Variants in DYNC1I1 observed in about 807,000 individuals in gnomAD.
The protein encoded by DYNC1I1 is cytoplasmic dynein 1 intermediate chain 1.
In DYNC1I1, 43 loss-of-function variants were observed where a neutral mutation model predicts 86.6. That is an observed-to-expected ratio of 0.50 (90% CI 0.39 to 0.64). The LOEUF is 0.64. Among genes scored for constraint, DYNC1I1 ranks in the 30% least tolerant of loss-of-function variants. The pLI is 0.00. For missense variants in DYNC1I1, 604 were observed against 788.8 expected (o/e 0.77, Z 2.81); for synonymous variants, 262 against 283.7 (o/e 0.92, Z 0.77).
chr7:96,007,026 G>A lies in DYNC1I1; in HGVS notation c.969+10953G>A, dbSNP rs561344915. Among the ~76,000 whole-genome samples the A allele has an allele frequency of 5.9e-5, 9 of 152,190 alleles. No individual in the cohort carries two copies. The South Asian group carries it at 1.9e-3, about 32-fold the overall frequency. On this transcript the variant is annotated intron_variant, in intron 10 of 16. Transcript: ENST00000447467. ...CAACTATGATGTATCAATAAAAAAT[G>A]CAAAACAAAAGCAAATACAAAGATT...
At chr7:95,928,578 G>C (rs1338603347) in intron 6 of DYNC1I1, among the ~76,000 whole-genome samples, 1 of 152,144 alleles carries the variant, frequency 6.6e-6, no homozygotes, top group Non-Finnish European at 1.5e-5. Context: ...CCACTCCCCA[G>C]ATTCCAAGGG....
chr7:95,860,789 A>G (rs1789856382), intron 5 of DYNC1I1, among the ~76,000 whole-genome samples: 1 of 152,164 alleles, frequency 6.6e-6, no homozygotes, highest in South Asian at 2.1e-4. Context: ...CAAATGCTGT[A>G]TCCTCACATG....
intron 6 of DYNC1I1, among the ~76,000 whole-genome samples, chr7:95,976,881 C>G (rs1793317855): frequency 6.6e-6 from 1 of 152,124 alleles, no homozygotes; most frequent in Non-Finnish European, 1.5e-5. Flanking sequence ...TAACATCTGG[C>G]AGGGGTAGCC....
intron 16 of DYNC1I1, among the ~76,000 whole-genome samples, chr7:96,083,124 G>T (rs1032502608): frequency 1.3e-5 from 2 of 152,074 alleles, no homozygotes; most frequent in African/African-American, 4.8e-5. Context: ...TTTATTGAGA[G>T]TAGGTAATAT....
chr7:95,810,030 T>C (rs1406908848), intron 2 of DYNC1I1, among the ~76,000 whole-genome samples: 1 of 152,166 alleles, frequency 6.6e-6, no homozygotes, highest in Non-Finnish European at 1.5e-5. Context: ...CACACAGTCA[T>C]CAATAACTGA....
At chr7:95,914,925 A>G (rs1362244422) in intron 6 of DYNC1I1, among the ~76,000 whole-genome samples, 1 of 152,190 alleles carries the variant, frequency 6.6e-6, no homozygotes, top group Non-Finnish European at 1.5e-5. Context: ...CTTCTCTTAA[A>G]TGGAATCACT....
intron 11 of DYNC1I1, among the ~76,000 whole-genome samples, chr7:96,030,896 A>G (rs191743433): frequency 5.2e-4 from 79 of 152,152 alleles, no homozygotes; most frequent in Non-Finnish European, 2.1e-4. Context: ...AGCCTTCCTG[A>G]TACTTAGAGA....
At chr7:95,988,290 T>C (rs1793647401) in intron 9 of DYNC1I1, among the ~76,000 whole-genome samples, 3 of 152,084 alleles carry the variant, frequency 2.0e-5, no homozygotes, top group Non-Finnish European at 2.9e-5. Context: ...GGCAGGAGAA[T>C]TGCTTGAACC....
At chr7:96,083,598 C>T (rs1041702566) in intron 16 of DYNC1I1, among the ~76,000 whole-genome samples, 5 of 152,152 alleles carry the variant, frequency 3.3e-5, no homozygotes, top group Non-Finnish European at 5.9e-5. Context: ...CCTTCCAAAT[C>T]ACCTAAACTG....
At position 95,999,563 on chromosome 7, in the gene DYNC1I1, T is replaced by C. The variant is rs575288580; in HGVS notation, c.969+3490T>C. Reference sequence around the variant, plus strand: ...CTTCCCGTTAAGATTCTATAAAGGGTACAGATGTCATTGCTGCACACGGCC... The same window carrying C: ...CTTCCCGTTAAGATTCTATAAAGGGCACAGATGTCATTGCTGCACACGGCC... On this transcript the variant is annotated intron_variant, in intron 10 of 16. Transcript: ENST00000447467. Among the ~76,000 whole-genome samples, 11 of 152,270 alleles carry C rather than the reference T, an allele frequency of 7.2e-5. No homozygotes were observed. In the East Asian group the frequency reaches 1.7e-3, roughly 24 times the overall value.
At chr7:95,807,718 C>T (rs1461255910) in intron 2 of DYNC1I1, among the ~76,000 whole-genome samples, 3 of 152,068 alleles carry the variant, frequency 2.0e-5, no homozygotes, top group Admixed American at 6.6e-5. Flanking sequence ...CATGTCTTTC[C>T]GTTCTCATCT....
At position 95,909,274 on chromosome 7, in the gene DYNC1I1, T is replaced by C. The variant is rs1450253486; in HGVS notation, c.490+39276T>C. Reference sequence around the variant, plus strand: ...GGGGGGGCGGGGCGGGAAGGGAAAATACAACTTGGATATTTTTCGAACTCT... The same window carrying C: ...GGGGGGGCGGGGCGGGAAGGGAAAACACAACTTGGATATTTTTCGAACTCT... On this transcript the variant is annotated intron_variant, in intron 6 of 16. Transcript: ENST00000447467. Among the ~76,000 whole-genome samples the C allele has an allele frequency of 5.3e-5, 6 of 112,356 alleles. No individual in the cohort carries two copies. The South Asian group carries it at 1.8e-3, about 34-fold the overall frequency. 73.7% of individuals were successfully genotyped at this position (112,356 alleles called of 152,430 possible).
chr7:95,994,931 TG>T (rs1439255635), intron 9 of DYNC1I1, among the ~76,000 whole-genome samples: 1 of 151,948 alleles, frequency 6.6e-6, no homozygotes, highest in Non-Finnish European at 1.5e-5. Flanking sequence ...ATTTAGTGTG[TG>T]GGAGTGAGAG....
rs571358392 is a variant in DYNC1I1 at position 96,003,296 on chromosome 7, T to C, written c.969+7223T>C. Among the ~76,000 whole-genome samples, 5 of 152,300 alleles carry C rather than the reference T, an allele frequency of 3.3e-5. No homozygotes were observed. The East Asian group carries it at 9.7e-4, about 29-fold the overall frequency. ...TGGCCCCATGCCCCAGCTTCATAAA[T>C]GAACCCTCTTGTACCTACGTAGCTC... On this transcript the variant is annotated intron_variant, in intron 10 of 16. Transcript: ENST00000447467.
rs778695845 is a variant in DYNC1I1, at chr7:96,080,347, G to C, written c.1651-16G>C. 2 of 1,580,172 alleles carry C rather than the reference G, an allele frequency of 1.3e-6. No individual in the cohort carries two copies. Among genetic ancestry groups the C allele is most frequent in the African/African-American group, 2.7e-5 (2 of 73,310 alleles). On this transcript the variant is annotated splice_polypyrimidine_tract_variant and intron_variant, in intron 15 of 16. Coordinates refer to ENST00000447467, the MANE Select transcript of DYNC1I1 (RefSeq NM_001135556.2). Reference sequence around the variant, plus strand: ...TATTCAGAGATTCTTTTATTCTGTTGTGAACCCTTTGGCAGGTTCCAACAG... The same window carrying C: ...TATTCAGAGATTCTTTTATTCTGTTCTGAACCCTTTGGCAGGTTCCAACAG...
At chr7:96,041,339 C>T (rs187446663) in intron 14 of DYNC1I1, among the ~76,000 whole-genome samples, 163 of 152,150 alleles carry the variant, frequency 1.1e-3, no homozygotes, top group Non-Finnish European at 1.5e-3. Flanking sequence ...GTGATGAGGC[C>T]GAAAGAAACC....
At chr7:95,988,493 T>C (rs1437985367) in intron 9 of DYNC1I1, among the ~76,000 whole-genome samples, 1 of 152,212 alleles carries the variant, frequency 6.6e-6, no homozygotes, top group Non-Finnish European at 1.5e-5. Context: ...GCCAATTTGC[T>C]GAATGGCCAA....
chr7:95,835,251 G>C (rs928725631), intron 5 of DYNC1I1, among the ~76,000 whole-genome samples: 4 of 109,172 alleles, frequency 3.7e-5, no homozygotes, highest in African/African-American at 1.6e-4. Flanking sequence ...TTCAGGAGCA[G>C]GTTGTTCAGT....
intron 5 of DYNC1I1, among the ~76,000 whole-genome samples, chr7:95,862,364 A>C (rs895231446): frequency 6.8e-5 from 10 of 148,090 alleles, no homozygotes; most frequent in East Asian, 4.0e-4. Flanking sequence ...TAAAAAAAAA[A>C]CAAATAACCC....
Sources: allele counts gnomAD v4.1 joint callset (sites outside exome capture counted in the v4.1 genomes callset), GRCh38; gene constraint gnomAD v4.1.1; transcripts MANE v1.5; gene names NCBI Gene and HGNC (gene_info 2026-07-23, HGNC 2026-07-21).